Variants in CALCR observed in about 807,000 individuals in gnomAD.
The protein encoded by CALCR is calcitonin receptor.
CALCR carries 47 observed loss-of-function variants against 59.5 expected under a neutral mutation model. The observed-to-expected ratio is 0.79, with a 90% CI of 0.63 to 1.01. The LOEUF (loss-of-function observed/expected upper bound fraction) is 1.01, where lower values mean the gene tolerates loss of function less well. Ranked by LOEUF, CALCR falls within the 50% of genes least tolerant of loss-of-function variation. The pLI, the probability that CALCR is intolerant of heterozygous loss-of-function variation, is 0.00. For missense variants in CALCR, 566 were observed against 597.1 expected, an observed-to-expected ratio of 0.95 and a Z score of 0.54; for synonymous variants, 213 against 211.3, an observed-to-expected ratio of 1.01 and a Z score of -0.07.
chr7:93,561,890 T>C (rs34588678), intron 2 of CALCR, among the ~76,000 whole-genome samples: 44,243 of 151,656 alleles, frequency 0.29, 7,682 homozygotes, highest in Non-Finnish European at 0.39. Flanking sequence ...TACAGGACGG[T>C]GATTCAGACC....
chr7:93,482,646 T>TA (rs1800823925), intron 3 of CALCR: 2 of 366,710 alleles, frequency 5.5e-6, no homozygotes, highest in African/African-American at 2.2e-5. Context: ...TAGAAAACCC[T>TA]ATGCTTGTAT....
intron 2 of CALCR, among the ~76,000 whole-genome samples, chr7:93,568,509 TTCTCTCTCTCTCTCTCTCTCTCTC>T (rs4015269): frequency 1.8e-4 from 18 of 102,418 alleles, no homozygotes; most frequent in East Asian, 3.6e-4. Flanking sequence ...TAAAATTACT[TTCTCTCTCTCTCTCTCTCTCTCTC>T]TCTCTCTCTC....
At chr7:93,524,005 A>T (rs1338845025) in intron 2 of CALCR, among the ~76,000 whole-genome samples, 3 of 151,956 alleles carry the variant, frequency 2.0e-5, no homozygotes, top group Non-Finnish European at 4.4e-5. Context: ...TGACTATAAC[A>T]CTATATAATT....
chr7:93,554,036 A>G (rs1789531234), intron 2 of CALCR, among the ~76,000 whole-genome samples: 1 of 152,186 alleles, frequency 6.6e-6, no homozygotes, highest in South Asian at 2.1e-4. Flanking sequence ...TTTGTTTAAG[A>G]AATCTGGATT....
chr7:93,531,162 G>A (rs1375358961), intron 2 of CALCR, among the ~76,000 whole-genome samples: 1 of 151,754 alleles, frequency 6.6e-6, no homozygotes, highest in Non-Finnish European at 1.5e-5. Flanking sequence ...TAAACAGGAC[G>A]TTAAATTCTT....
intron 2 of CALCR, among the ~76,000 whole-genome samples, chr7:93,525,407 C>G (rs1035804990): frequency 6.6e-6 from 1 of 152,086 alleles, no homozygotes; most frequent in African/African-American, 2.4e-5. Flanking sequence ...TTGGATTTCT[C>G]AGTACTATGT....
At chr7:93,513,845 ATATT>A (rs920373925) in intron 2 of CALCR, among the ~76,000 whole-genome samples, 5 of 151,818 alleles carry the variant, frequency 3.3e-5, no homozygotes, top group African/African-American at 1.2e-4. Flanking sequence ...AAACATATAG[ATATT>A]TATTTCATTT....
intron 6 of CALCR, 98 bp downstream of exon 6, chr7:93,472,277 T>C (rs1332555673): frequency 2.9e-6 from 2 of 690,942 alleles, no homozygotes; most frequent in African/African-American, 3.6e-5. Context: ...ACAAAACCTG[T>C]TGGCTTCTTT....
chr7:93,538,832 G>A (rs1789056200), intron 2 of CALCR, among the ~76,000 whole-genome samples: 1 of 152,040 alleles, frequency 6.6e-6, no homozygotes. Flanking sequence ...TTAAACAGTG[G>A]ATTCCTGAGA....
chr7:93,486,122 T>C (rs1470744193), intron 3 of CALCR, among the ~76,000 whole-genome samples: 1 of 151,624 alleles, frequency 6.6e-6, no homozygotes, highest in African/African-American at 2.4e-5. Flanking sequence ...GAGTGATCTT[T>C]GCTGCCAACT....
chr7:93,486,888 C>T (rs967854162), intron 3 of CALCR, 43 bp downstream of exon 3: 3 of 1,123,428 alleles, frequency 2.7e-6, no homozygotes, highest in Admixed American at 1.8e-5. Context: ...CCTTATTCAG[C>T]ATTCTTCATT....
intron 2 of CALCR, among the ~76,000 whole-genome samples, chr7:93,557,233 T>C (rs1789631219): frequency 6.6e-6 from 1 of 151,982 alleles, no homozygotes; most frequent in Non-Finnish European, 1.5e-5. Context: ...AAAATGAAGA[T>C]AATAAGAGTA....
rs539852133 is a variant in CALCR, at chr7:93,551,152, T to C, written c.-27+23137A>G. 7.9e-5 allele frequency among the ~76,000 whole-genome samples: 12 copies of C among 152,334 alleles called. No homozygotes were observed. In the South Asian group the frequency reaches 1.4e-3, roughly 18 times the overall value. ...ATGCTGAGTGTATGTGAAAACACTATGTATAAAAGCAAGTCCATCCTGAGA... is the reference window on the plus strand; with the variant it reads ...ATGCTGAGTGTATGTGAAAACACTACGTATAAAAGCAAGTCCATCCTGAGA... On this transcript the variant is annotated intron_variant, in intron 2 of 13. Transcript: ENST00000426151.
At chr7:93,467,013 G>T (rs2115833909) in intron 7 of CALCR, among the ~76,000 whole-genome samples, 1 of 150,984 alleles carries the variant, frequency 6.6e-6, no homozygotes, top group East Asian at 2.0e-4. Flanking sequence ...ACAATTAGTT[G>T]CATGATTACA....
chr7:93,496,428 A>G (rs1356433750), intron 2 of CALCR, among the ~76,000 whole-genome samples: 1 of 151,502 alleles, frequency 6.6e-6, no homozygotes, highest in African/African-American at 2.4e-5. Context: ...ATGCTCTTTT[A>G]GCTCAATGGC....
At chr7:93,440,447 A>C (rs189037502) in intron 9 of CALCR, among the ~76,000 whole-genome samples, 1 of 152,168 alleles carries the variant, frequency 6.6e-6, no homozygotes, top group African/African-American at 2.4e-5. Flanking sequence ...GAAAGGAGCC[A>C]CTGCTTTAAA....
rs549535791 is a variant in CALCR at position 93,573,807 on chromosome 7, A to G, written c.-27+482T>C. Among the ~76,000 whole-genome samples, 220 of 152,330 alleles carry G rather than the reference A, an allele frequency of 1.4e-3. 2 individuals are homozygous for G. Among genetic ancestry groups the G allele is most frequent in the South Asian group, 1.4e-3 (7 of 4,830 alleles). ...ATGCATAAATGATTGTTGGAAAACT[A>G]TTCTCTGTAAAACATGACTTAACAA... On this transcript the variant is annotated intron_variant, in intron 2 of 13. Transcript: ENST00000426151.
intron 6 of CALCR, among the ~76,000 whole-genome samples, chr7:93,471,317 A>G (rs193033430): frequency 6.6e-6 from 1 of 151,772 alleles, no homozygotes; most frequent in South Asian, 2.1e-4. Flanking sequence ...ACAGCTCTCC[A>G]TTAGGGTGTA....
chr7:93,465,214 A>G (rs184637408), intron 7 of CALCR, among the ~76,000 whole-genome samples: 1 of 152,116 alleles, frequency 6.6e-6, no homozygotes, highest in East Asian at 1.9e-4. Flanking sequence ...ATTCCACAGA[A>G]AAGTAAATTG....
Sources: allele counts gnomAD v4.1 joint callset (sites outside exome capture counted in the v4.1 genomes callset), GRCh38; gene constraint gnomAD v4.1.1; transcripts MANE v1.5; gene names NCBI Gene and HGNC (gene_info 2026-07-23, HGNC 2026-07-21).